Variants in SELENOI observed in about 807,000 individuals in gnomAD.
SELENOI encodes the protein selenoprotein I.
Under a neutral mutation model 50.7 loss-of-function variants are expected in SELENOI, and 24 were observed. The ratio of observed to expected loss-of-function variants is 0.47; its 90% CI spans 0.34 to 0.67. SELENOI has a LOEUF of 0.67. Ranked by LOEUF, SELENOI falls within the 30% of genes least tolerant of loss-of-function variation. SELENOI has a pLI of 0.01. For synonymous variants in SELENOI, 155 were observed against 170.2 expected, an observed-to-expected ratio of 0.91 and a Z score of 0.70; for missense variants, 352 against 461.4, an observed-to-expected ratio of 0.76 and a Z score of 2.17.
chr2:26,383,962 G>A (rs1218171473), intron 7 of SELENOI, among the ~76,000 whole-genome samples: 4 of 152,172 alleles, frequency 2.6e-5, no homozygotes, highest in Non-Finnish European at 4.4e-5. Flanking sequence ...TTCTTAAATA[G>A]CCCTTATATA....
At chr2:26,383,979 C>T (rs1307639416) in intron 7 of SELENOI, among the ~76,000 whole-genome samples, 2 of 152,146 alleles carry the variant, frequency 1.3e-5, no homozygotes, top group Non-Finnish European at 2.9e-5. Context: ...TATAGAAGTT[C>T]CTGTCTGGGT....
At chr2:26,346,358 G>T (rs1036730760) in intron 1 of SELENOI, 69 bp downstream of exon 1, 2 of 1,512,842 alleles carry the variant, frequency 1.3e-6, no homozygotes, top group East Asian at 4.9e-5. Flanking sequence ...GGGCCCGCGC[G>T]GCGCGGTCCG....
chr2:26,362,721 A>G (rs1463983947), intron 1 of SELENOI, among the ~76,000 whole-genome samples: 3 of 151,800 alleles, frequency 2.0e-5, no homozygotes, highest in Non-Finnish European at 4.4e-5. Context: ...GCGCCACTGC[A>G]TTCCCGCCTG....
chr2:26,373,763 T>A, intron 5 of SELENOI, 134 bp downstream of exon 5: 1 of 905,768 alleles, frequency 1.1e-6, no homozygotes, highest in Non-Finnish European at 1.6e-6. Context: ...TATTTTTATT[T>A]ATGGAAAATT....
rs987395479 is a variant in SELENOI, at chr2:26,391,822, T to C, written c.*2719T>C. 1.3e-5 allele frequency: 2 copies of C among 152,224 alleles called. No individual in the cohort carries two copies. Among genetic ancestry groups the C allele is most frequent in the Non-Finnish European group, 2.9e-5 (2 of 68,038 alleles). 9.4% of individuals were successfully genotyped at this position (152,224 alleles called of 1,614,324 possible). Reference sequence around the variant, plus strand: ...GGATAGAGAATGCTAATGCTGCCTTTTGTGATCCTTTAATATTATCCATGC... The same window carrying C: ...GGATAGAGAATGCTAATGCTGCCTTCTGTGATCCTTTAATATTATCCATGC... On this transcript the variant is annotated 3_prime_UTR_variant, in exon 10 of 10. Transcript: ENST00000260585.
chr2:26,355,176 A>G (rs564112997), intron 1 of SELENOI, among the ~76,000 whole-genome samples: 99 of 152,358 alleles, frequency 6.5e-4, no homozygotes, highest in African/African-American at 2.4e-3. Flanking sequence ...GATTCCCTGC[A>G]CAAATGAACA....
Position 26,389,242 on chromosome 2 carries a change from A to C in SELENOI, c.*139A>C. Reference sequence around the variant, plus strand: ...TTGGACAGCAGGAATGATACATATAATCTGAACTTGGGAAATTTTGGACCT... The same window carrying C: ...TTGGACAGCAGGAATGATACATATACTCTGAACTTGGGAAATTTTGGACCT... On this transcript the variant is annotated 3_prime_UTR_variant, in exon 10 of 10. Coordinates refer to ENST00000260585, the MANE Select transcript of SELENOI (RefSeq NM_033505.4). The C allele has an allele frequency of 1.5e-6, 1 of 662,796 alleles. No individual in the cohort carries two copies. The highest frequency in any genetic ancestry group is 2.5e-6 in the Non-Finnish European group (1 of 396,292). 41.1% of individuals were successfully genotyped at this position (662,796 alleles called of 1,614,324 possible).
At chr2:26,384,053 T>C (rs1677786833) in intron 7 of SELENOI, among the ~76,000 whole-genome samples, 3 of 152,344 alleles carry the variant, frequency 2.0e-5, no homozygotes, top group Non-Finnish European at 2.9e-5. Flanking sequence ...TTCTCCACTT[T>C]TGCTCAGCCA....
chr2:26,389,184 C>A lies in SELENOI; in HGVS notation c.*81C>A. ...TCCATCACCATTGAACTAGACTGAT[C>A]TGCTTGACAGACGTGGGATCTCAGT... On this transcript the variant is annotated 3_prime_UTR_variant, in exon 10 of 10. Transcript: ENST00000260585. 9.4e-7 allele frequency: 1 copy of A among 1,059,728 alleles called. No homozygotes were observed. The highest frequency in any genetic ancestry group is 1.4e-6 in the Non-Finnish European group (1 of 706,450). 65.6% of individuals were successfully genotyped at this position (1,059,728 alleles called of 1,614,324 possible).
rs918014624 is a variant in SELENOI, at chr2:26,391,227, G to C, written c.*2124G>C. The C allele has an allele frequency of 2.6e-5, 4 of 152,182 alleles. No individual in the cohort carries two copies. The highest frequency in any genetic ancestry group is 5.9e-5 in the Non-Finnish European group (4 of 68,030). The allele number at this position is 152,182 out of a possible 1,614,324, so 9.4% of individuals were successfully genotyped here. The stretch of plus-strand genomic sequence containing the variant: ...GTGGTAAAGAATGATGCCATAGTCA[G>C]TTTTATTGACATTGTTAGATGAAAG... On this transcript the variant is annotated 3_prime_UTR_variant, in exon 10 of 10. Transcript: ENST00000260585.
rs761560726 is a variant in SELENOI at position 26,386,458 on chromosome 2, C to T, written c.1017C>T (p.Ala339=). 7 of 1,613,812 alleles carry T rather than the reference C, an allele frequency of 4.3e-6. No homozygotes were observed. The highest frequency in any genetic ancestry group is 1.7e-4 in the Middle Eastern group (1 of 6,060). ...LVVLVVNLGV[A]SYVESILLYT... Reference sequence around the variant, plus strand: ...TCTTAGTGGTAAACCTAGGAGTAGCCTCTTACGTTGAGAGCATTCTCCTGT... The same window carrying T: ...TCTTAGTGGTAAACCTAGGAGTAGCTTCTTACGTTGAGAGCATTCTCCTGT... The change falls in exon 9 of 10, where the codon GCC becomes GCT. Residue 339 remains alanine, a synonymous_variant. Transcript: ENST00000260585.
chr2:26,388,904 C>T, intron 9 of SELENOI, 101 bp from the exon 10 acceptor site: 1 of 857,272 alleles, frequency 1.2e-6, no homozygotes, highest in Non-Finnish European at 1.9e-6. Context: ...ATGATTTTTG[C>T]CGTGTCAATA....
rs577206737 is a variant in SELENOI at position 26,367,805 on chromosome 2, C to G, written c.310+585C>G. ...GGGCAGGGAGGCCTACTGTGCTAGA[C>G]CATGCTGTCTGTCCTGCCAAGAATG... On this transcript the variant is annotated intron_variant, in intron 4 of 9. Transcript: ENST00000260585. 8.5e-5 allele frequency among the ~76,000 whole-genome samples: 13 copies of G among 152,290 alleles called. No homozygotes were observed. In the South Asian group the frequency reaches 2.7e-3, roughly 32 times the overall value.
Position 26,392,528 on chromosome 2 carries a change from T to C in SELENOI, c.*3425T>C, listed in dbSNP as rs1677992208. On this transcript the variant is annotated 3_prime_UTR_variant, in exon 10 of 10. Transcript: ENST00000260585. Reference sequence around the variant, plus strand: ...CGTTCTTCACCTGGGTTTCCTCTTATCTACCCACCACCTAGGACAGAGGCT... The same window carrying C: ...CGTTCTTCACCTGGGTTTCCTCTTACCTACCCACCACCTAGGACAGAGGCT... The C allele has an allele frequency of 6.6e-6, 1 of 152,270 alleles. No individual in the cohort carries two copies. Among genetic ancestry groups the C allele is most frequent in the African/African-American group, 2.4e-5 (1 of 41,460 alleles). 9.4% of individuals were successfully genotyped at this position (152,270 alleles called of 1,614,324 possible).
chr2:26,357,852 C>T (rs1451782634), intron 1 of SELENOI, among the ~76,000 whole-genome samples: 2 of 148,126 alleles, frequency 1.4e-5, no homozygotes, highest in Admixed American at 6.8e-5. Context: ...ATTGTAGCTC[C>T]CATAATTCCC....
intron 4 of SELENOI, among the ~76,000 whole-genome samples, chr2:26,371,346 G>A (rs1198901329): frequency 6.7e-6 from 1 of 150,020 alleles, no homozygotes; most frequent in South Asian, 2.1e-4. Flanking sequence ...ACGGGGCGGC[G>A]GGGCAGAGGC....
At chr2:26,348,790 A>G (rs1479417967) in intron 1 of SELENOI, among the ~76,000 whole-genome samples, 1 of 151,818 alleles carries the variant, frequency 6.6e-6, no homozygotes, top group Admixed American at 6.6e-5. Flanking sequence ...AATGTAAAAG[A>G]ATCAACCATT....
rs1255917927 is a variant in SELENOI at position 26,350,183 on chromosome 2, T to C, written c.57+3894T>C. On this transcript the variant is annotated intron_variant, in intron 1 of 9. Coordinates refer to ENST00000260585, the MANE Select transcript of SELENOI (RefSeq NM_033505.4). ...GGTTTTTGATATTATGGTAATTAAT[T>C]AACTTGGCTCTCAACAACAGCCTGA... Among the ~76,000 whole-genome samples, 3 of 66,950 alleles carry C rather than the reference T, an allele frequency of 4.5e-5. No homozygotes were observed. In the East Asian group the frequency reaches 6.4e-4, roughly 14 times the overall value. 43.9% of individuals were successfully genotyped at this position (66,950 alleles called of 152,430 possible). A position where few individuals can be genotyped will look rare whatever the true frequency, so the allele number is the denominator to read the frequency against.
intron 5 of SELENOI, among the ~76,000 whole-genome samples, 198 bp from the exon 6 acceptor site, chr2:26,374,842 T>A (rs1558418900): frequency 6.6e-6 from 1 of 152,158 alleles, no homozygotes; most frequent in Non-Finnish European, 1.5e-5. Context: ...AGTGCTGGGA[T>A]TACAGGCATG....
Sources: allele counts gnomAD v4.1 joint callset (sites outside exome capture counted in the v4.1 genomes callset), GRCh38; gene constraint gnomAD v4.1.1; transcripts MANE v1.5; gene names NCBI Gene and HGNC (gene_info 2026-07-23, HGNC 2026-07-21).